The following ANKZF1 variants were observed in gnomAD, a reference collection of about 807,000 sequenced individuals.
ANKZF1 encodes ankyrin repeat and zinc finger peptidyl tRNA hydrolase 1.
ANKZF1 carries 84 observed loss-of-function variants against 86.0 expected under a neutral mutation model. The ratio of observed to expected loss-of-function variants is 0.98; its 90% CI spans 0.82 to 1.17. ANKZF1 has a LOEUF of 1.17. ANKZF1 is among the 50% of genes most tolerant of loss of function. ANKZF1 has a pLI of 0.00. For missense variants in ANKZF1, 893 were observed against 918.4 expected, an observed-to-expected ratio of 0.97 and a Z score of 0.36; for synonymous variants, 331 against 354.2, an observed-to-expected ratio of 0.93 and a Z score of 0.74.
intron 1 of ANKZF1, 130 bp from the exon 2 acceptor site, chr2:219,230,098 C>T: frequency 1.4e-6 from 1 of 716,292 alleles, no homozygotes; most frequent in South Asian, 2.0e-5. Flanking sequence ...AGGTATTCAT[C>T]TCACAGTTGG....
At chr2:219,233,491 T>C in intron 7 of ANKZF1, 58 bp downstream of exon 7, 2 of 1,513,802 alleles carry the variant, frequency 1.3e-6, no homozygotes. Context: ...GCATCTCTGT[T>C]CAACTCACTG....
intron 3 of ANKZF1, 53 bp downstream of exon 3, chr2:219,232,093 TG>T: frequency 1.3e-6 from 2 of 1,496,752 alleles, no homozygotes; most frequent in Non-Finnish European, 1.8e-6. Context: ...TAATGGTGGG[TG>T]GGGAGAGGTA....
Position 219,229,964 on chromosome 2 carries a change from GAAGA to G in ANKZF1, c.-31+68_-31+71del. The G allele has an allele frequency of 3.3e-6, 1 of 300,472 alleles. No individual in the cohort carries two copies. The allele number at this position is 300,472 out of a possible 1,614,324, so 18.6% of individuals were successfully genotyped here. A position where few individuals can be genotyped will look rare whatever the true frequency, so the allele number is the denominator to read the frequency against. On this transcript the variant is annotated intron_variant, in intron 1 of 13. Transcript: ENST00000323348. The surrounding 1 kb of genome is among the most constrained non-coding windows in gnomAD (Gnocchi z 4.2). ...AGTTGTTGCTGGTCGCATGGGTAAC[GAAGA>G]AAGTTCGGCTAGGCAAGCTCAGTGA...
In ANKZF1 at chr2:219,233,743, G is replaced by C. The variant is rs1300549023; in HGVS notation, c.848G>C (p.Ser283Thr). 1 of 1,613,762 alleles carries C rather than the reference G, an allele frequency of 6.2e-7. No homozygotes were observed. The highest frequency in any genetic ancestry group is 1.7e-5 in the Admixed American group (1 of 59,960). ...GTTCGTGACCTGCTGGCAGGGCCAA[G>C]CTGGGCTAAGGCGCTGGAGGAGGCT... ...KDVRDLLAGP[S>T]WAKALEEAGT... The change falls in exon 8 of 14, where the codon AGC becomes ACC. Residue 283 changes from serine to threonine, a missense_variant. By Grantham distance (58) the Ser-to-Thr change is moderately conservative (BLOSUM62 1). Transcript: ENST00000323348.
intron 8 of ANKZF1, 78 bp downstream of exon 8, chr2:219,234,021 T>C (rs1189508691): frequency 9.1e-6 from 14 of 1,531,428 alleles, no homozygotes; most frequent in Non-Finnish European, 1.2e-5. Context: ...CATTGGTATA[T>C]CCAGAGGATT....
At position 219,235,491 on chromosome 2, in the gene ANKZF1, C is replaced by T. The variant is rs1297493642; in HGVS notation, c.1709C>T (p.Pro570Leu). 9 of 1,613,976 alleles carry T rather than the reference C, an allele frequency of 5.6e-6. No individual in the cohort carries two copies. Among genetic ancestry groups the T allele is most frequent in the Admixed American group, 5.0e-5 (3 of 59,988 alleles). Residue 570 changes from proline to leucine, a missense_variant, in exon 11 of 14, where the codon CCA becomes CTA. By Grantham distance (98) the Pro-to-Leu change is moderately conservative. Transcript: ENST00000323348. ...GCACCTAGGGACTCTCGGGCCCGGC[C>T]ACCTTATACTGTTGCGGCTGACAAA... ...DPTVQDSRAR[P>L]PYTVAADKST...
chr2:219,234,039 C>T (rs1951128010), intron 8 of ANKZF1, 94 bp from the exon 9 acceptor site: 3 of 1,542,894 alleles, frequency 1.9e-6, no homozygotes, highest in Non-Finnish European at 2.6e-6. Flanking sequence ...ATTTTCTAAG[C>T]CTTGGACTGC....
intron 5 of ANKZF1, 132 bp from the exon 6 acceptor site, chr2:219,232,947 C>T: frequency 1.0e-6 from 1 of 962,996 alleles, no homozygotes. Flanking sequence ...CCTCAAATTT[C>T]CTTGTTTGTC....
rs1951077128 is a variant in ANKZF1, at chr2:219,232,603, T to G, written c.478T>G (p.Phe160Val). Residue 160 changes from phenylalanine to valine, a missense_variant, in exon 5 of 14, where the codon TTT (phenylalanine) becomes GTT (valine). By Grantham distance (50) the Phe-to-Val change is conservative. Coordinates refer to ENST00000323348, the MANE Select transcript of ANKZF1 (RefSeq NM_018089.3). ...TGAGAAGTTGAGCCGACCCCCAGGC[T>G]TTTACCCTCATCGAGTTCTTTTCCA... is the stretch of plus-strand genomic sequence containing the variant. ...TFEKLSRPPGFYPHRVLFQNA... is the reference protein window; with the variant it reads ...TFEKLSRPPGVYPHRVLFQNA... 1.2e-6 allele frequency: 2 copies of G among 1,614,086 alleles called. No individual in the cohort carries two copies. The highest frequency in any genetic ancestry group is 1.7e-5 in the Admixed American group (1 of 60,000).
At chr2:219,235,630 G>A (rs1309208551) in intron 11 of ANKZF1, 45 bp downstream of exon 11, 1 of 1,612,954 alleles carries the variant, frequency 6.2e-7, no homozygotes, top group East Asian at 2.2e-5. Context: ...AGGCATCACA[G>A]ATCCTGGCTA....
chr2:219,232,319 G>A lies in ANKZF1; in HGVS notation c.321G>A (p.Lys107=). 1 of 1,614,224 alleles carries A rather than the reference G, an allele frequency of 6.2e-7. No individual in the cohort carries two copies. The highest frequency in any genetic ancestry group is 8.5e-7 in the Non-Finnish European group (1 of 1,180,036). Residue 107 remains lysine (K), a synonymous_variant, in exon 4 of 14, where the codon AAG becomes AAA. Transcript: ENST00000323348. The part of the protein sequence containing the change: ...RFNLKQRLKD[K]PLLSALDFEK... ...ACCTAAAGCAACGTCTCAAGGACAA[G>A]CCTCTCCTGTCTGCCCTGGACTTTG...
chr2:219,233,695 T>G lies in ANKZF1; in HGVS notation c.820-20T>G, dbSNP rs1210468338. The G allele has an allele frequency of 6.3e-7, 1 of 1,591,502 alleles. No individual in the cohort carries two copies. The highest frequency in any genetic ancestry group is 2.2e-5 in the East Asian group (1 of 44,662). ...AATAGCAAGTGAAGGTATGCAGGACTGAGTTACTCTCTTCTCTAGGATGTT... is the reference window on the plus strand; with the variant it reads ...AATAGCAAGTGAAGGTATGCAGGACGGAGTTACTCTCTTCTCTAGGATGTT... On this transcript the variant is annotated intron_variant, in intron 7 of 13. Transcript: ENST00000323348.
chr2:219,234,019 T>C (rs1174053288), intron 8 of ANKZF1, 76 bp downstream of exon 8: 4 of 1,529,128 alleles, frequency 2.6e-6, no homozygotes, highest in Non-Finnish European at 3.5e-6. Context: ...CTCATTGGTA[T>C]ATCCAGAGGA....
Position 219,236,047 on chromosome 2 carries a change from T to C in ANKZF1, c.2009T>C (p.Leu670Ser). The C allele has an allele frequency of 1.9e-6, 3 of 1,614,220 alleles. No individual in the cohort carries two copies. In the Admixed American group the frequency reaches 5.0e-5, roughly 27 times the overall value. Residue 670 changes from leucine (L) to serine (S), a missense_variant, in exon 13 of 14, where the codon TTG (leucine) becomes TCG (serine). Coordinates refer to ENST00000323348, the MANE Select transcript of ANKZF1 (RefSeq NM_018089.3). ...LAAERRLAAQ[L>S]GAPTSPIPDS... ...GCAGAGCGCCGACTCGCTGCCCAGT[T>C]GGGAGCCCCTACCTCTCCAATCCCT... is the stretch of plus-strand genomic sequence containing the variant.
rs770557902 is a variant in ANKZF1 at position 219,236,492 on chromosome 2, C to T, written c.*47C>T. 2 of 1,523,230 alleles carry T rather than the reference C, an allele frequency of 1.3e-6. No individual in the cohort carries two copies. Among genetic ancestry groups the T allele is most frequent in the Non-Finnish European group, 1.8e-6 (2 of 1,137,500 alleles). The allele number at this position is 1,523,230 out of a possible 1,614,324, so 94.4% of individuals were successfully genotyped here. A position where few individuals can be genotyped will look rare whatever the true frequency, so the allele number is the denominator to read the frequency against. ...GCCAACTCAGGGACCTGAGAGGGCA[C>T]ATTCACAGCAGCCCTAGGTTTTTTC... On this transcript the variant is annotated 3_prime_UTR_variant, in exon 14 of 14. Transcript: ENST00000323348.
At chr2:219,235,900 A>G in intron 12 of ANKZF1, 25 bp downstream of exon 12, 1 of 1,613,826 alleles carries the variant, frequency 6.2e-7, no homozygotes, top group Non-Finnish European at 8.5e-7. Flanking sequence ...TCTCTTGTCC[A>G]TGGCAAGGCT....
At position 219,232,376 on chromosome 2, in the gene ANKZF1, G is replaced by C; in HGVS notation, c.364+14G>C. On this transcript the variant is annotated intron_variant, in intron 4 of 13. Coordinates refer to ENST00000323348, the MANE Select transcript of ANKZF1 (RefSeq NM_018089.3). ...AGAGCTCCACAGGTGATGAGTGGTA[G>C]GGGGACCTATGTAGGAGTAGGACAT... is the stretch of plus-strand genomic sequence containing the variant. 6.2e-7 allele frequency: 1 copy of C among 1,613,668 alleles called. No homozygotes were observed. The highest frequency in any genetic ancestry group is 8.5e-7 in the Non-Finnish European group (1 of 1,179,548).
In ANKZF1 at chr2:219,236,346, C is replaced by T. The variant is rs375125143; in HGVS notation, c.2082C>T (p.Ser694=). The change falls in exon 14 of 14, where the codon TCC becomes TCT. Residue 694 remains serine (S), a synonymous_variant. Transcript: ENST00000323348. The part of the protein sequence containing the change: ...NTRRCWSCGA[S]LQGLTPFHYL... Reference sequence around the variant, plus strand: ...GACGCTGCTGGAGTTGTGGGGCATCCCTCCAAGGCCTGACTCCCTTTCACT... The same window carrying T: ...GACGCTGCTGGAGTTGTGGGGCATCTCTCCAAGGCCTGACTCCCTTTCACT... 1.5e-5 allele frequency: 24 copies of T among 1,613,984 alleles called. No homozygotes were observed. The African/African-American group carries it at 2.7e-4, about 18-fold the overall frequency.
chr2:219,231,067 T>G (rs1013143346), intron 2 of ANKZF1: 4 of 152,276 alleles, frequency 2.6e-5, no homozygotes, highest in Middle Eastern at 3.2e-3. Context: ...TTTGGCTACA[T>G]CTTTTCTTGC....
Sources: gnomAD v4.1 joint callset for allele counts on GRCh38, gnomAD v4.1.1 for gene constraint, Gnocchi (gnomAD v3.1) non-coding constraint, MANE v1.5 for transcripts, NCBI Gene and HGNC (gene_info 2026-07-23, HGNC 2026-07-21) for gene names.